ARHGAP44: variants seen among roughly 807,000 people sequenced by gnomAD.
The protein encoded by ARHGAP44 is rho GTPase-activating protein 44.
Under a neutral mutation model 106.8 loss-of-function variants are expected in ARHGAP44, and 43 were observed. The ratio of observed to expected loss-of-function variants is 0.40; its 90% CI spans 0.32 to 0.52. ARHGAP44 has a LOEUF of 0.52. Ranked by LOEUF, ARHGAP44 falls within the 20% of genes least tolerant of loss-of-function variation. The pLI is 0.48. For synonymous variants in ARHGAP44, 439 were observed against 410.3 expected, an observed-to-expected ratio of 1.07 and a Z score of -0.85; for missense variants, 866 against 1,050.5, an observed-to-expected ratio of 0.82 and a Z score of 2.43.
intron 12 of ARHGAP44, among the ~76,000 whole-genome samples, chr17:12,950,163 G>A (rs1355333749): frequency 6.6e-6 from 1 of 152,164 alleles, no homozygotes; most frequent in African/African-American, 2.4e-5. Flanking sequence ...ACCTATATTT[G>A]TGTGTAAGTG....
At chr17:12,943,964 C>T (rs1434449772) in intron 9 of ARHGAP44, 105 bp from the exon 10 acceptor site, 3 of 1,405,688 alleles carry the variant, frequency 2.1e-6, no homozygotes, top group African/African-American at 3.1e-5. Context: ...GGGCCTCCCT[C>T]TCTTTGGTAA....
intron 16 of ARHGAP44, among the ~76,000 whole-genome samples, chr17:12,960,545 G>A (rs2039236269): frequency 1.3e-5 from 2 of 151,296 alleles, no homozygotes; most frequent in African/African-American, 4.8e-5. Flanking sequence ...CAGCCTGGGC[G>A]ACAGAGCAAG....
At chr17:12,952,882 C>G (rs1230942071) in intron 13 of ARHGAP44, among the ~76,000 whole-genome samples, 4 of 151,880 alleles carry the variant, frequency 2.6e-5, no homozygotes, top group Non-Finnish European at 4.4e-5. Context: ...CACCCACCAC[C>G]ACGCGTGGTC....
At chr17:12,911,049 CA>C (rs60781678) in intron 4 of ARHGAP44, among the ~76,000 whole-genome samples, 69,344 of 128,548 alleles carry the variant, frequency 0.54, 19,042 homozygotes, top group Non-Finnish European at 0.63. Flanking sequence ...AAAAAGTAAC[CA>C]AAAAAAAAAA....
At chr17:12,978,539 G>A (rs527992212) in intron 18 of ARHGAP44, among the ~76,000 whole-genome samples, 2 of 138,492 alleles carry the variant, frequency 1.4e-5, no homozygotes, top group Admixed American at 1.5e-4. Flanking sequence ...GGGCTTCCCC[G>A]GCCCAGCTCC....
chr17:12,842,835 A>G (rs1248898166), intron 1 of ARHGAP44, among the ~76,000 whole-genome samples: 1 of 152,186 alleles, frequency 6.6e-6, no homozygotes, highest in Non-Finnish European at 1.5e-5. Flanking sequence ...ATGTGATGGT[A>G]CAGAGTCAGG....
Position 12,929,230 on chromosome 17 carries a change from T to G in ARHGAP44, c.582+184T>G, listed in dbSNP as rs1598070992. On this transcript the variant is annotated intron_variant, in intron 7 of 20. Transcript: ENST00000379672. The stretch of plus-strand genomic sequence containing the variant: ...TGAACCCAAGGAGTTGGGGCTTTGA[T>G]GGTGACCTAGACAGGGAGGCAGCAT... 5 of 520,708 alleles carry G rather than the reference T, an allele frequency of 9.6e-6. No homozygotes were observed. The South Asian group carries it at 1.2e-4, about 12-fold the overall frequency. The allele number at this position is 520,708 out of a possible 1,614,324, so 32.3% of individuals were successfully genotyped here. A position where few individuals can be genotyped will look rare whatever the true frequency, so the allele number is the denominator to read the frequency against.
At chr17:12,976,938 C>T (rs527400066) in intron 18 of ARHGAP44, among the ~76,000 whole-genome samples, 38 of 152,288 alleles carry the variant, frequency 2.5e-4, no homozygotes, top group African/African-American at 7.7e-4. Flanking sequence ...CACTCCTCAG[C>T]TTCATCCTAG....
chr17:12,907,005 A>G (rs1236505875), intron 3 of ARHGAP44, among the ~76,000 whole-genome samples: 1 of 152,076 alleles, frequency 6.6e-6, no homozygotes, highest in Non-Finnish European at 1.5e-5. Context: ...GAGAAAAGAA[A>G]AATGTTCTAT....
intron 1 of ARHGAP44, among the ~76,000 whole-genome samples, chr17:12,826,941 C>G (rs1597897794): frequency 6.6e-6 from 1 of 152,242 alleles, no homozygotes; most frequent in East Asian, 1.9e-4. Context: ...GCTTTCTTCT[C>G]CCTACCTCCC....
intron 20 of ARHGAP44, 45 bp downstream of exon 20, chr17:12,984,953 T>G (rs766969072): frequency 1.3e-5 from 20 of 1,558,940 alleles, no homozygotes; most frequent in Middle Eastern, 3.5e-4. Context: ...TGAACTTTAG[T>G]GAAATGTGCC....
chr17:12,925,192 G>A (rs1251692905), intron 6 of ARHGAP44, among the ~76,000 whole-genome samples: 1 of 152,046 alleles, frequency 6.6e-6, no homozygotes. Flanking sequence ...CCCCAATTCC[G>A]AAAGTGCCAA....
intron 13 of ARHGAP44, among the ~76,000 whole-genome samples, chr17:12,954,314 G>A (rs773719266): frequency 8.5e-5 from 13 of 152,164 alleles, no homozygotes; most frequent in Admixed American, 5.9e-4. Context: ...CAAATTGTAC[G>A]TCTAAAAATG....
intron 1 of ARHGAP44, among the ~76,000 whole-genome samples, chr17:12,815,530 T>C (rs1443247454): frequency 6.6e-6 from 1 of 152,142 alleles, no homozygotes; most frequent in African/African-American, 2.4e-5. Flanking sequence ...AAATGATAGA[T>C]TTTTAAACTA....
chr17:12,859,990 T>C (rs184099902), intron 1 of ARHGAP44, among the ~76,000 whole-genome samples: 11 of 152,270 alleles, frequency 7.2e-5, no homozygotes, highest in Admixed American at 5.2e-4. Context: ...TGGTCCCTAG[T>C]TGTACCTGGC....
At chr17:12,899,294 A>G (rs1028129181) in intron 3 of ARHGAP44, among the ~76,000 whole-genome samples, 2 of 152,112 alleles carry the variant, frequency 1.3e-5, no homozygotes, top group African/African-American at 2.4e-5. Context: ...TAAGTGCTTG[A>G]TTTTGTCAAT....
At position 12,984,659 on chromosome 17, in the gene ARHGAP44, T is replaced by G; in HGVS notation, c.2068T>G (p.Tyr690Asp). 2 of 1,298,450 alleles carry G rather than the reference T, an allele frequency of 1.5e-6. No homozygotes were observed. Among genetic ancestry groups the G allele is most frequent in the Non-Finnish European group, 2.1e-6 (2 of 951,750 alleles). 80.4% of individuals were successfully genotyped at this position (1,298,450 alleles called of 1,614,324 possible). ...SPTPPSTPSPYGLSYPQGYSL... is the reference protein window; with the variant it reads ...SPTPPSTPSPDGLSYPQGYSL... ...CACCCCGCCCAGCACCCCGTCACCC[T>G]ATGGACTGAGCTACCCTCAGGGGTA... Residue 690 changes from tyrosine to aspartate, a missense_variant, in exon 20 of 21, where the codon TAT becomes GAT. Tyr to Asp is a radical substitution (Grantham distance 160, BLOSUM62 -3). This residue lies in a region of ARHGAP44 where 418 missense variants were observed against 403.6 expected (regional missense o/e 1.04). Coordinates refer to ENST00000379672, the MANE Select transcript of ARHGAP44 (RefSeq NM_014859.6).
At chr17:12,955,079 C>T (rs555534153) in intron 13 of ARHGAP44, among the ~76,000 whole-genome samples, 12 of 152,282 alleles carry the variant, frequency 7.9e-5, no homozygotes, top group African/African-American at 2.2e-4. Flanking sequence ...TCTGCCTATT[C>T]TAGGCATTTC....
At chr17:12,809,486 A>G (rs1034488047) in intron 1 of ARHGAP44, among the ~76,000 whole-genome samples, 3 of 151,864 alleles carry the variant, frequency 2.0e-5, no homozygotes, top group Non-Finnish European at 2.9e-5. Flanking sequence ...TGTGCAGGGA[A>G]CTCCCCTTTA....
Sources: allele counts gnomAD v4.1 joint callset (sites outside exome capture counted in the v4.1 genomes callset), GRCh38; gene constraint gnomAD v4.1.1; regional missense constraint gnomAD v4.1.1; transcripts MANE v1.5; gene names NCBI Gene and HGNC (gene_info 2026-07-23, HGNC 2026-07-21).